DNMBP: variants seen among roughly 807,000 people sequenced by gnomAD.
DNMBP encodes dynamin binding protein.
DNMBP carries 87 observed loss-of-function variants against 150.0 expected under a neutral mutation model. The observed-to-expected ratio is 0.58, with a 90% CI of 0.49 to 0.69. The LOEUF is 0.69. DNMBP is among the 30% of genes least tolerant of loss of function. The pLI is 0.00. For synonymous variants in DNMBP, 711 were observed against 750.4 expected (o/e 0.95, Z 0.86); for missense variants, 1,774 against 1,949.0 (o/e 0.91, Z 1.69).
intron 15 of DNMBP, among the ~76,000 whole-genome samples, chr10:99,883,030 G>T (rs2039394083): frequency 2.0e-5 from 3 of 152,202 alleles, no homozygotes; most frequent in Admixed American, 2.0e-4. Flanking sequence ...CTGGGTGACA[G>T]AGCTAGACCC....
At chr10:99,915,105 A>AT in intron 4 of DNMBP, among the ~76,000 whole-genome samples, 1 of 112,568 alleles carries the variant, frequency 8.9e-6, no homozygotes, top group Admixed American at 9.4e-5. Flanking sequence ...AAAAAAAAAA[A>AT]AAAATATATA....
At chr10:99,892,205 G>A (rs1209239983) in intron 11 of DNMBP, among the ~76,000 whole-genome samples, 5 of 146,136 alleles carry the variant, frequency 3.4e-5, no homozygotes, top group South Asian at 4.5e-4. Flanking sequence ...CAGCCGCCCC[G>A]TCCGGGAGGT....
At chr10:99,939,829 T>A (rs1431882508) in intron 4 of DNMBP, among the ~76,000 whole-genome samples, 1 of 152,218 alleles carries the variant, frequency 6.6e-6, no homozygotes, top group Non-Finnish European at 1.5e-5. Context: ...GGCTTTTGCA[T>A]TTCTGAGGAC....
intron 4 of DNMBP, 38 bp from the exon 5 acceptor site, chr10:99,909,184 G>GT (rs2039870112): frequency 6.5e-7 from 1 of 1,545,050 alleles, no homozygotes; most frequent in South Asian, 1.2e-5. Context: ...AGCTCTGGGT[G>GT]TAAAAGCAGC....
Position 99,900,853 on chromosome 10 carries a change from T to C in DNMBP, c.2555-787A>G, listed in dbSNP as rs2039728565. Among the ~76,000 whole-genome samples, 3 of 152,176 alleles carry C rather than the reference T, an allele frequency of 2.0e-5. No homozygotes were observed. In the South Asian group the frequency reaches 6.2e-4, roughly 32 times the overall value. ...TCTACAGCAGCAGTTTCTAACATTT[T>C]TGTGCATAAATAAGACTGGATAAAG... is the stretch of plus-strand genomic sequence containing the variant. On this transcript the variant is annotated intron_variant, in intron 6 of 16. Coordinates refer to ENST00000324109, the MANE Select transcript of DNMBP (RefSeq NM_015221.4).
intron 4 of DNMBP, among the ~76,000 whole-genome samples, chr10:99,950,629 T>A (rs1468470233): frequency 6.6e-6 from 1 of 152,220 alleles, no homozygotes; most frequent in Non-Finnish European, 1.5e-5. Context: ...TGACTCTTGT[T>A]ATATTTTAGC....
intron 6 of DNMBP, among the ~76,000 whole-genome samples, chr10:99,903,534 G>T (rs2039778098): frequency 6.6e-6 from 1 of 151,908 alleles, no homozygotes; most frequent in South Asian, 2.1e-4. Context: ...TGTTTCACCT[G>T]GTTGGTCAGG....
At chr10:99,971,000 G>GAAAAAAAAAAAAAAAAAAAAAAAAA (rs1554871865) in intron 2 of DNMBP, among the ~76,000 whole-genome samples, 1 of 112,008 alleles carries the variant, frequency 8.9e-6, no homozygotes, top group African/African-American at 3.2e-5. Context: ...AAAAAAAAAG[G>GAAAAAAAAAAAAAAAAAAAAAAAAA]AAAGCAGTAG....
intron 12 of DNMBP, 98 bp downstream of exon 12, chr10:99,888,727 G>A (rs1466367150): frequency 7.1e-7 from 1 of 1,414,278 alleles, no homozygotes. Context: ...AATATGCCTG[G>A]TGCCCAGGGC....
At chr10:99,957,498 C>G in intron 3 of DNMBP, 1 of 374,712 alleles carries the variant, frequency 2.7e-6, no homozygotes, top group Non-Finnish European at 4.8e-6. Context: ...ACATATTTTA[C>G]TCTGCTGACT....
rs765491657 is a variant in DNMBP at position 99,880,313 on chromosome 10, C to T, written c.4046G>A (p.Arg1349His). ...YSSFLKPYNP[R>H]RSHSDASVGS... ...CACGGAGGCATCGGAGTGGCTGCGG[C>T]GAGGATTGTAGGGCTTTAGGAAAGA... Residue 1349 changes from arginine (R) to histidine (H), a missense_variant, in exon 16 of 17, where the codon CGC becomes CAC. By Grantham distance (29) the Arg-to-His change is conservative. Transcript: ENST00000324109. 2.4e-5 allele frequency: 38 copies of T among 1,611,474 alleles called. No individual in the cohort carries two copies. Among genetic ancestry groups the T allele is most frequent in the South Asian group, 1.2e-4 (11 of 91,020 alleles).
In DNMBP at chr10:99,885,886, C is replaced by T. The variant is rs2039451259; in HGVS notation, c.3619-20G>A. 1 of 1,585,504 alleles carries T rather than the reference C, an allele frequency of 6.3e-7. No homozygotes were observed. Among genetic ancestry groups the T allele is most frequent in the Non-Finnish European group, 8.6e-7 (1 of 1,167,498 alleles). ...GAGTAACTGGGGTCCATGGGAAGAGCAGAGATAGAGAAAAGAAGAAAACAC... is the reference window on the plus strand; with the variant it reads ...GAGTAACTGGGGTCCATGGGAAGAGTAGAGATAGAGAAAAGAAGAAAACAC... On this transcript the variant is annotated intron_variant, in intron 13 of 16. Transcript: ENST00000324109.
chr10:99,891,562 G>A (rs2133211930), intron 11 of DNMBP, among the ~76,000 whole-genome samples: 1 of 152,106 alleles, frequency 6.6e-6, no homozygotes, highest in Middle Eastern at 3.4e-3. Flanking sequence ...GACTCCCAAA[G>A]TGCCGAGATT....
chr10:99,983,943 G>A (rs2040804006), intron 1 of DNMBP, among the ~76,000 whole-genome samples: 7 of 152,250 alleles, frequency 4.6e-5, no homozygotes, highest in Admixed American at 3.9e-4. Context: ...GATTTAAACT[G>A]AGCAACCCTT....
At chr10:99,950,055 C>T (rs908314942) in intron 4 of DNMBP, among the ~76,000 whole-genome samples, 49 of 152,108 alleles carry the variant, frequency 3.2e-4, no homozygotes, top group African/African-American at 1.0e-3. Flanking sequence ...TGAATTCCTA[C>T]GTGTTGTGGG....
chr10:99,898,607 C>T, intron 8 of DNMBP, 136 bp downstream of exon 8: 1 of 910,742 alleles, frequency 1.1e-6, no homozygotes, highest in South Asian at 1.5e-5. Context: ...GGGATAAGTG[C>T]TACGAAAGAA....
intron 6 of DNMBP, among the ~76,000 whole-genome samples, chr10:99,907,603 C>T (rs985596565): frequency 1.3e-5 from 2 of 152,012 alleles, no homozygotes; most frequent in African/African-American, 4.8e-5. Context: ...ACCATGTTGG[C>T]CAGGCTGATC....
At chr10:99,938,551 T>TA (rs1309854172) in intron 4 of DNMBP, among the ~76,000 whole-genome samples, 4 of 151,508 alleles carry the variant, frequency 2.6e-5, no homozygotes, top group Non-Finnish European at 4.4e-5. Flanking sequence ...TCTCAAAAAA[T>TA]AAAAAAAAGA....
intron 1 of DNMBP, among the ~76,000 whole-genome samples, chr10:99,992,326 A>T (rs2040903555): frequency 7.1e-6 from 1 of 141,158 alleles, no homozygotes; most frequent in African/African-American, 2.7e-5. Flanking sequence ...TCCATCCCTT[A>T]TTACAGCAAT....
Sources: gnomAD v4.1 joint callset for allele counts (sites outside exome capture counted in the v4.1 genomes callset) on GRCh38, gnomAD v4.1.1 for gene constraint, MANE v1.5 for transcripts, NCBI Gene and HGNC (gene_info 2026-07-23, HGNC 2026-07-21) for gene names.